Variants in SAMMSON observed in about 807,000 individuals in gnomAD.
SAMMSON encodes survival associated mitochondrial melanoma specific oncogenic non-coding RNA.
At chr3:70,329,674 C>G (rs751144194) in intron 7 of SAMMSON, among the ~76,000 whole-genome samples, 10 of 151,850 alleles carry the variant, frequency 6.6e-5, no homozygotes, top group Non-Finnish European at 1.5e-4. Flanking sequence ...TGGCATATTT[C>G]ATGAAATTCA....
intron 4 of SAMMSON, among the ~76,000 whole-genome samples, chr3:70,187,179 G>C (rs939378955): frequency 6.6e-6 from 1 of 152,162 alleles, no homozygotes; most frequent in Non-Finnish European, 1.5e-5. Flanking sequence ...TACTCTTATA[G>C]CATTGTGGCA....
chr3:70,261,847 G>A (rs895272715), intron 6 of SAMMSON, among the ~76,000 whole-genome samples: 10 of 152,056 alleles, frequency 6.6e-5, no homozygotes, highest in African/African-American at 1.9e-4. Context: ...CTGAATGCCC[G>A]AACCCTTTTA....
chr3:70,374,418 A>T (rs1475015972), intron 9 of SAMMSON, among the ~76,000 whole-genome samples: 1 of 152,176 alleles, frequency 6.6e-6, no homozygotes, highest in African/African-American at 2.4e-5. Flanking sequence ...TTTTCTCATG[A>T]CAGCCTTCCA....
chr3:70,044,318 G>T (rs1403101033), intron 3 of SAMMSON, among the ~76,000 whole-genome samples: 8 of 151,954 alleles, frequency 5.3e-5, no homozygotes, highest in Non-Finnish European at 1.2e-4. Context: ...TTGCGCTTAG[G>T]GGGTAAAGGG....
chr3:70,430,226 A>G lies in SAMMSON; in HGVS notation n.234-32334A>G, dbSNP rs142726002. ...CTTTTCTGCATCTATTGAGATAATCATGTGGTTTTTGTCACTGGTTCTGTT... is the reference window on the plus strand; with the variant it reads ...CTTTTCTGCATCTATTGAGATAATCGTGTGGTTTTTGTCACTGGTTCTGTT... On this transcript the variant is annotated intron_variant and non_coding_transcript_variant, in intron 2 of 3. Coordinates refer to the SAMMSON transcript ENST00000641053. Among the ~76,000 whole-genome samples the G allele has an allele frequency of 9.7e-4, 147 of 152,218 alleles. No homozygotes were observed. The East Asian group carries it at 0.016, about 17-fold the overall frequency.
Position 70,377,637 on chromosome 3 carries a change from A to G in SAMMSON, n.914-11937A>G, listed in dbSNP as rs548187024. On this transcript the variant is annotated intron_variant and non_coding_transcript_variant, in intron 9 of 9. Coordinates refer to ENST00000642114, the Ensembl canonical transcript of SAMMSON. The stretch of plus-strand genomic sequence containing the variant: ...AGCCATAAAAGAAAAGAGAAATCTA[A>G]ATTCATAAAGATATTATTTTTGTGG... Among the ~76,000 whole-genome samples, 6 of 152,246 alleles carry G rather than the reference A, an allele frequency of 3.9e-5. No homozygotes were observed. In the South Asian group the frequency reaches 1.2e-3, roughly 32 times the overall value.
intron 2 of SAMMSON, among the ~76,000 whole-genome samples, chr3:70,430,628 G>A (rs1344173861): frequency 2.6e-5 from 4 of 151,926 alleles, no homozygotes; most frequent in African/African-American, 9.7e-5. Context: ...TAAATTATAG[G>A]CATCTAACTT....
chr3:70,166,089 G>A (rs929622318), intron 4 of SAMMSON, among the ~76,000 whole-genome samples: 3 of 151,824 alleles, frequency 2.0e-5, no homozygotes, highest in Non-Finnish European at 4.4e-5. Flanking sequence ...TAGAAATTTC[G>A]GGGGCAATAA....
chr3:70,280,791 C>T (rs763194339), intron 6 of SAMMSON, among the ~76,000 whole-genome samples: 3 of 152,174 alleles, frequency 2.0e-5, no homozygotes, highest in Non-Finnish European at 2.9e-5. Flanking sequence ...TCTGACCTAA[C>T]TTGTTTGACT....
intron 3 of SAMMSON, chr3:70,069,598 A>G (rs566820630): frequency 2.6e-5 from 4 of 152,122 alleles, no homozygotes; most frequent in Non-Finnish European, 5.9e-5. Flanking sequence ...CATTTACCGG[A>G]AGCCCTGTGT....
At chr3:70,272,513 T>A (rs544563070) in intron 6 of SAMMSON, among the ~76,000 whole-genome samples, 94 of 152,376 alleles carry the variant, frequency 6.2e-4, no homozygotes, top group Middle Eastern at 3.4e-3. Flanking sequence ...CCCTGATGGA[T>A]GTTTGGATGT....
At chr3:70,088,036 C>T (rs931375178) in intron 4 of SAMMSON, among the ~76,000 whole-genome samples, 1 of 152,130 alleles carries the variant, frequency 6.6e-6, no homozygotes, top group African/African-American at 2.4e-5. Context: ...AGGGGCCTAA[C>T]TAATGATACA....
intron 9 of SAMMSON, among the ~76,000 whole-genome samples, chr3:70,369,707 C>A (rs1702950549): frequency 1.3e-5 from 2 of 151,620 alleles, no homozygotes; most frequent in Non-Finnish European, 3.0e-5. Flanking sequence ...TTTGTACATA[C>A]TTATGGGGTA....
At chr3:70,361,792 T>G (rs1702872378) in intron 9 of SAMMSON, among the ~76,000 whole-genome samples, 2 of 152,206 alleles carry the variant, frequency 1.3e-5, no homozygotes, top group African/African-American at 4.8e-5. Context: ...TGAACTCGGC[T>G]GCAGGCAACA....
At chr3:70,400,660 G>T (rs1213247230) in intron 2 of SAMMSON, among the ~76,000 whole-genome samples, 1 of 152,124 alleles carries the variant, frequency 6.6e-6, no homozygotes, top group Non-Finnish European at 1.5e-5. Context: ...GGCTAGGCAA[G>T]GTGGCTCATG....
intron 4 of SAMMSON, among the ~76,000 whole-genome samples, chr3:70,097,339 C>T (rs1265451107): frequency 6.6e-6 from 1 of 152,242 alleles, no homozygotes; most frequent in Non-Finnish European, 1.5e-5. Flanking sequence ...GCAGGACAGT[C>T]TTATTCCAAG....
intron 4 of SAMMSON, among the ~76,000 whole-genome samples, chr3:70,139,656 G>A (rs1312225417): frequency 1.3e-5 from 2 of 152,180 alleles, no homozygotes; most frequent in Admixed American, 1.3e-4. Context: ...GGGTAAGGAA[G>A]CCCATGACGT....
chr3:70,201,024 C>CT (rs369942493), intron 4 of SAMMSON, among the ~76,000 whole-genome samples: 23 of 147,488 alleles, frequency 1.6e-4, no homozygotes, highest in East Asian at 5.9e-4. Flanking sequence ...TGTTTTGTAA[C>CT]TTTTTTTTTT....
chr3:70,050,161 G>T (rs1446710807), intron 3 of SAMMSON, among the ~76,000 whole-genome samples: 1 of 152,142 alleles, frequency 6.6e-6, no homozygotes, highest in Non-Finnish European at 1.5e-5. Context: ...CCGTGGCATT[G>T]TGATCTATAT....
Sources: gnomAD v4.1 joint callset for allele counts (sites outside exome capture counted in the v4.1 genomes callset) on GRCh38, gnomAD v4.1.1 for gene constraint, MANE v1.5 for transcripts, NCBI Gene and HGNC (gene_info 2026-07-23, HGNC 2026-07-21) for gene names.